Variants in USP9Y observed in about 807,000 individuals in gnomAD.
The protein encoded by USP9Y is ubiquitin specific peptidase 9 Y-linked, also known as ubiquitin carboxyl-terminal hydrolase 9Y.
In USP9Y, 41 loss-of-function variants were observed where a neutral mutation model predicts 53.1. The ratio of observed to expected loss-of-function variants is 0.77; its 90% CI spans 0.60 to 1.00. USP9Y has a LOEUF of 1.00. Among genes scored for constraint, USP9Y ranks in the 50% least tolerant of loss-of-function variants. USP9Y has a pLI of 0.00. For synonymous variants in USP9Y, 220 were observed against 173.7 expected (o/e 1.27, Z -2.09); for missense variants, 567 against 535.8 (o/e 1.06, Z -0.58).
intron 34 of USP9Y, among the ~76,000 whole-genome samples, chrY:12,837,628 G>GCT: frequency 3.0e-5 from 1 of 32,957 alleles, no homozygotes; most frequent in South Asian, 6.8e-4. Flanking sequence ...AAGAGATGAA[G>GCT]CTCTGGTGGT....
chrY:12,759,989 G>A (rs2053473523), intron 14 of USP9Y, among the ~76,000 whole-genome samples: 2 of 33,616 alleles, frequency 5.9e-5, no homozygotes, highest in African/African-American at 1.2e-4. Flanking sequence ...TATCTATATC[G>A]TTTGTCTTTT....
chrY:12,752,337 G>A (rs890791487), intron 12 of USP9Y, among the ~76,000 whole-genome samples: 1 of 32,842 alleles, frequency 3.0e-5, no homozygotes, highest in Non-Finnish European at 7.5e-5. Flanking sequence ...TATGTGTCTG[G>A]TTTTACTTTG....
intron 33 of USP9Y, among the ~76,000 whole-genome samples, chrY:12,822,665 A>G: frequency 5.9e-5 from 2 of 33,725 alleles, no homozygotes; most frequent in Admixed American, 5.3e-4. Context: ...GCACCCAGGC[A>G]AGAGTTTTAA....
intron 27 of USP9Y, among the ~76,000 whole-genome samples, chrY:12,796,693 G>A: frequency 5.9e-5 from 2 of 33,865 alleles, no homozygotes; most frequent in South Asian, 6.7e-4. Flanking sequence ...CAAAACAAGG[G>A]TTGGGTTATT....
In USP9Y at chrY:12,725,216, T is replaced by C. The variant is rs774812959; in HGVS notation, c.429T>C (p.Phe143=). Residue 143 remains phenylalanine (F), a synonymous_variant, in exon 6 of 46, where the codon TTT becomes TTC. Coordinates refer to ENST00000338981, the MANE Select transcript of USP9Y (RefSeq NM_004654.4). ...ATGAGGCTGTGAGTGGCTGGAAGTT[T>C]GAAATTCATGTGAGTCTTGTATTTC... ...LMDEAVSGWK[F]EIHRCIINNT... is the part of the protein sequence containing the mutation. The C allele has an allele frequency of 3.4e-5, 13 of 380,284 alleles. No individual in the cohort carries two copies. The Admixed American group carries it at 8.9e-4, about 26-fold the overall frequency. 94.9% of individuals were successfully genotyped at this position (380,284 alleles called of 400,897 possible). A position where few individuals can be genotyped will look rare whatever the true frequency, so the allele number is the denominator to read the frequency against.
intron 33 of USP9Y, among the ~76,000 whole-genome samples, chrY:12,822,959 G>A (rs2053543325): frequency 3.1e-5 from 1 of 32,495 alleles, no homozygotes; most frequent in African/African-American, 1.2e-4. Flanking sequence ...TCCACCTCCC[G>A]GGTTCAAGCA....
chrY:12,762,589 C>A (rs2053476515), intron 15 of USP9Y, among the ~76,000 whole-genome samples: 1 of 33,731 alleles, frequency 3.0e-5, no homozygotes, highest in Admixed American at 2.7e-4. Flanking sequence ...GTTAAATACA[C>A]AATTAGATTT....
intron 27 of USP9Y, among the ~76,000 whole-genome samples, chrY:12,796,558 C>T (rs2053512954): frequency 5.1e-5 from 1 of 19,436 alleles, no homozygotes; most frequent in Non-Finnish European, 1.1e-4. Flanking sequence ...GAGACTCTGT[C>T]AGGAAGGGGT....
At chrY:12,849,274 C>G in intron 42 of USP9Y, among the ~76,000 whole-genome samples, 1 of 33,462 alleles carries the variant, frequency 3.0e-5, no homozygotes, top group African/African-American at 1.2e-4. Flanking sequence ...TATAGGAATG[C>G]TTGTGATTTT....
At chrY:12,748,143 T>C (rs2053461782) in intron 12 of USP9Y, among the ~76,000 whole-genome samples, 2 of 31,190 alleles carry the variant, frequency 6.4e-5, no homozygotes, top group African/African-American at 2.5e-4. Context: ...AGCCAGACCA[T>C]GCATCAAAAA....
chrY:12,799,788 G>A, intron 27 of USP9Y, among the ~76,000 whole-genome samples: 1 of 33,598 alleles, frequency 3.0e-5, no homozygotes, highest in African/African-American at 1.2e-4. Flanking sequence ...AAAAGCAGGA[G>A]GTAAAGAAAT....
Position 12,840,187 on chromosome Y carries a change from T to C in USP9Y, c.5661T>C (p.Ile1887=), listed in dbSNP as rs775880604. The change falls in exon 36 of 46, where the codon ATT becomes ATC. Residue 1887 remains isoleucine (I), a synonymous_variant. Coordinates refer to ENST00000338981, the MANE Select transcript of USP9Y (RefSeq NM_004654.4). ...ASGGHYYSYI[I]QRNGKDDQTD... is the part of the protein sequence containing the mutation. ...GTGGGCATTATTATTCTTACATCATTCAAAGGAATGGTAAAGATGATCAGA... is the reference window on the plus strand; with the variant it reads ...GTGGGCATTATTATTCTTACATCATCCAAAGGAATGGTAAAGATGATCAGA... The C allele has an allele frequency of 1.5e-5, 6 of 398,218 alleles. No homozygotes were observed. In the South Asian group the frequency reaches 1.8e-4, roughly 12 times the overall value.
intron 12 of USP9Y, among the ~76,000 whole-genome samples, chrY:12,752,862 C>T (rs2053465344): frequency 3.0e-5 from 1 of 33,776 alleles, no homozygotes; most frequent in African/African-American, 1.2e-4. Context: ...TTATCTCCCC[C>T]TTTTTTGTAG....
Position 12,812,839 on chromosome Y carries a change from G to C in USP9Y, c.4396G>C (p.Asp1466His). The change falls in exon 31 of 46, where the codon GAT becomes CAT. Residue 1466 changes from aspartate (D) to histidine (H), a missense_variant. By Grantham distance (81) the Asp-to-His change is moderately conservative (BLOSUM62 -1). Transcript: ENST00000338981. ...GGANLIKELIDDFIFPASKVY... is the reference protein window; with the variant it reads ...GGANLIKELIHDFIFPASKVY... The stretch of plus-strand genomic sequence containing the variant: ...TTTTCTAACTTACTAGGAATTAATT[G>C]ATGATTTCATCTTTCCCGCATCCAA... 2.6e-6 allele frequency: 1 copy of C among 389,909 alleles called. No individual in the cohort carries two copies. Among genetic ancestry groups the C allele is most frequent in the African/African-American group, 6.2e-5 (1 of 16,091 alleles).
In USP9Y at chrY:12,790,479, G is replaced by A. The variant is rs868569228; in HGVS notation, c.3634G>A (p.Glu1212Lys). 7.6e-6 allele frequency: 3 copies of A among 395,291 alleles called. No homozygotes were observed. The highest frequency in any genetic ancestry group is 1.1e-5 in the Non-Finnish European group (3 of 280,669). ...TCAGAGCATTCCTAATCCCTCATCC[G>A]AGTGCGTACTTAGAAATGAGTCCAT... ...ALQSIPNPSS[E>K]CVLRNESILL... Residue 1212 changes from glutamate to lysine, a missense_variant, in exon 25 of 46, where the codon GAG becomes AAG. Coordinates refer to ENST00000338981, the MANE Select transcript of USP9Y (RefSeq NM_004654.4).
intron 34 of USP9Y, among the ~76,000 whole-genome samples, chrY:12,836,168 C>T (rs2053555201): frequency 6.1e-5 from 2 of 33,055 alleles, no homozygotes; most frequent in African/African-American, 2.4e-4. Flanking sequence ...TAGACAAGAA[C>T]ACCAGAGGCA....
chrY:12,800,545 G>C, intron 27 of USP9Y, among the ~76,000 whole-genome samples: 1 of 34,157 alleles, frequency 2.9e-5, no homozygotes, highest in African/African-American at 1.1e-4. Flanking sequence ...AGAGCTTCTA[G>C]ATAGCTGAAC....
intron 33 of USP9Y, among the ~76,000 whole-genome samples, chrY:12,833,349 G>A (rs1018695334): frequency 1.5e-4 from 5 of 33,683 alleles, no homozygotes; most frequent in Non-Finnish European, 3.0e-4. Flanking sequence ...AAGTTTTAAC[G>A]CAGTAGTTAT....
At chrY:12,844,553 A>G (rs2148292442) in intron 39 of USP9Y, among the ~76,000 whole-genome samples, 1 of 33,211 alleles carries the variant, frequency 3.0e-5, no homozygotes, top group East Asian at 7.8e-4. Context: ...ACAAACATAA[A>G]TGAAGTCACT....
Sources: allele counts gnomAD v4.1 joint callset (sites outside exome capture counted in the v4.1 genomes callset), GRCh38; gene constraint gnomAD v4.1.1; transcripts MANE v1.5; gene names NCBI Gene and HGNC (gene_info 2026-07-23, HGNC 2026-07-21).